CHEK2: variants seen among roughly 807,000 people sequenced by gnomAD.
The protein encoded by CHEK2 is checkpoint kinase 2.
CHEK2 carries 71 observed loss-of-function variants against 69.1 expected under a neutral mutation model. The ratio of observed to expected loss-of-function variants is 1.03; its 90% CI spans 0.85 to 1.25. CHEK2 has a LOEUF of 1.25. CHEK2 is among the 50% of genes most tolerant of loss of function. CHEK2 has a pLI of 0.00. For synonymous variants in CHEK2, 189 were observed against 226.9 expected (o/e 0.83, Z 1.50); for missense variants, 664 against 649.6 (o/e 1.02, Z -0.24).
chr22:28,740,018 T>A (rs868511148), intron 1 of CHEK2, among the ~76,000 whole-genome samples: 1 of 151,960 alleles, frequency 6.6e-6, no homozygotes, highest in East Asian at 2.0e-4. Flanking sequence ...CTGGTCGACA[T>A]GGTGAAACCC....
At chr22:28,732,362 C>T (rs2054245385) in intron 2 of CHEK2, among the ~76,000 whole-genome samples, 2 of 152,116 alleles carry the variant, frequency 1.3e-5, no homozygotes, top group South Asian at 2.1e-4. Context: ...CCGCCCATCT[C>T]GGCCTCCCAA....
At chr22:28,722,026 A>G (rs2053804216) in intron 4 of CHEK2, among the ~76,000 whole-genome samples, 1 of 152,076 alleles carries the variant, frequency 6.6e-6, no homozygotes, top group South Asian at 2.1e-4. Flanking sequence ...CTACCACGCC[A>G]GCCTATAATT....
intron 5 of CHEK2, among the ~76,000 whole-genome samples, chr22:28,713,040 T>A (rs921029042): frequency 3.2e-4 from 49 of 152,340 alleles, no homozygotes; most frequent in African/African-American, 1.2e-3. Context: ...TCTCTAAATA[T>A]TGATTTGCCT....
chr22:28,689,218 G>C lies in CHEK2; in HGVS notation c.1462-3C>G, dbSNP rs876658673. The C allele has an allele frequency of 2.6e-6, 4 of 1,547,248 alleles. No homozygotes were observed. In the South Asian group the frequency reaches 3.3e-5, roughly 13 times the overall value. On this transcript the variant is annotated splice_region_variant and splice_polypyrimidine_tract_variant and intron_variant, in intron 13 of 14. Transcript: ENST00000404276. ...AACTTTCTCTTCATGTCTTCATCCT[G>C]TGAGGGAATTAAAAACATAAGTAGC...
rs1060502721 is a variant in CHEK2, at chr22:28,689,174, C to G, written c.1503G>C (p.Glu501Asp). 1.9e-6 allele frequency: 3 copies of G among 1,595,278 alleles called. No individual in the cohort carries two copies. The South Asian group carries it at 3.3e-5, about 18-fold the overall frequency. The change falls in exon 14 of 15, where the codon GAG becomes GAC. Residue 501 changes from glutamate to aspartate, a missense_variant. Transcript: ENST00000404276. The part of the protein sequence containing the change: ...MKRKFQDLLS[E>D]ENESTALPQV... ...GGGGTAGAGCTGTGGATTCATTTTC[C>G]TCAGACAGAAGATCTTGAAACTTTC...
At chr22:28,709,867 C>T (rs776699540) in intron 7 of CHEK2, 139 bp downstream of exon 7, 4 of 504,612 alleles carry the variant, frequency 7.9e-6, no homozygotes, top group Admixed American at 3.3e-5. Flanking sequence ...TCACCCACCT[C>T]GGCCTCCCAA....
intron 13 of CHEK2, 44 bp downstream of exon 13, chr22:28,693,988 G>A (rs377590647): frequency 4.1e-6 from 5 of 1,215,642 alleles, no homozygotes; most frequent in Non-Finnish European, 6.0e-6. Context: ...AGGCAGCAGG[G>A]CTTCCCATGT....
intron 1 of CHEK2, among the ~76,000 whole-genome samples, chr22:28,740,335 T>C (rs2054519848): frequency 6.6e-6 from 1 of 152,188 alleles, no homozygotes; most frequent in Non-Finnish European, 1.5e-5. Context: ...AGACACCATC[T>C]TGCTGTCACT....
intron 13 of CHEK2, among the ~76,000 whole-genome samples, chr22:28,693,570 A>G (rs1382945420): frequency 6.6e-6 from 1 of 152,198 alleles, no homozygotes; most frequent in African/African-American, 2.4e-5. Context: ...AACACAGGCC[A>G]AACAGGAGAC....
rs374660293 is a variant in CHEK2, at chr22:28,696,983, A to C, written c.1013T>G (p.Leu338Arg). The C allele has an allele frequency of 1.2e-6, 2 of 1,608,784 alleles. No individual in the cohort carries two copies. The highest frequency in any genetic ancestry group is 3.3e-5 in the Admixed American group (2 of 59,994). The change falls in exon 10 of 15, where the codon CTT becomes CGT. Residue 338 changes from leucine to arginine, a missense_variant. Physicochemically the swap from Leu to Arg is moderately radical, Grantham distance 102. Transcript: ENST00000404276. ...ACGGTGTATAATACCGTTTTCATGAAGGTACTACACAGAAAGGCAGGCATG... is the reference window on the plus strand; with the variant it reads ...ACGGTGTATAATACCGTTTTCATGACGGTACTACACAGAAAGGCAGGCATG... ...FYQMLLAVQY[L>R]HENGIIHRDL...
chr22:28,712,115 C>CCATATTAGAATTTACAGACATT, intron 5 of CHEK2, 98 bp from the exon 6 acceptor site: 1 of 856,574 alleles, frequency 1.2e-6, no homozygotes, highest in Non-Finnish European at 2.0e-6. Flanking sequence ...TACAGACATT[C>CCATATTAGAATTTACAGACATT]CATATAACAG....
chr22:28,734,375 C>G (rs774308320), intron 2 of CHEK2, 28 bp downstream of exon 2: 1 of 1,606,856 alleles, frequency 6.2e-7, no homozygotes, highest in Non-Finnish European at 8.5e-7. Flanking sequence ...CTGAACAAAA[C>G]GTGATACTAT....
intron 5 of CHEK2, among the ~76,000 whole-genome samples, chr22:28,717,804 A>G (rs1456829008): frequency 1.3e-5 from 2 of 152,272 alleles, no homozygotes; most frequent in Middle Eastern, 3.4e-3. Context: ...ACTTGAACCC[A>G]GGAGGCAGAG....
intron 2 of CHEK2, among the ~76,000 whole-genome samples, chr22:28,727,244 T>C (rs1441785247): frequency 2.0e-5 from 3 of 152,166 alleles, no homozygotes; most frequent in East Asian, 3.9e-4. Flanking sequence ...GGTTTCGCCA[T>C]GTTAGACAGG....
chr22:28,721,798 A>G (rs1296162602), intron 4 of CHEK2, among the ~76,000 whole-genome samples: 2 of 151,876 alleles, frequency 1.3e-5, no homozygotes, highest in African/African-American at 2.4e-5. Context: ...TGGTGCAATC[A>G]TGGCTCACTG....
chr22:28,716,202 T>C (rs1181513725), intron 5 of CHEK2, among the ~76,000 whole-genome samples: 26 of 148,324 alleles, frequency 1.8e-4, no homozygotes, highest in Admixed American at 4.7e-4. Flanking sequence ...TTTTTCTCTT[T>C]TTTTTTTTTT....
chr22:28,704,598 G>A (rs2145888440), intron 7 of CHEK2, among the ~76,000 whole-genome samples: 3 of 152,266 alleles, frequency 2.0e-5, no homozygotes, highest in Middle Eastern at 6.8e-3. Flanking sequence ...CTCCCAAAGT[G>A]TTGGGATTAC....
intron 1 of CHEK2, among the ~76,000 whole-genome samples, chr22:28,740,267 A>C (rs17880353): frequency 0.02 from 3,064 of 152,326 alleles, 106 homozygotes; most frequent in African/African-American, 0.07. Context: ...TAGTCCTCAC[A>C]AGAAAATTCT....
chr22:28,732,839 C>G (rs150903933), intron 2 of CHEK2, among the ~76,000 whole-genome samples: 2 of 151,714 alleles, frequency 1.3e-5, no homozygotes, highest in African/African-American at 4.8e-5. Flanking sequence ...TTTTTTTGGC[C>G]GGAGTGCAGT....
Sources: gnomAD v4.1 joint callset for allele counts (sites outside exome capture counted in the v4.1 genomes callset) on GRCh38, gnomAD v4.1.1 for gene constraint, MANE v1.5 for transcripts, NCBI Gene and HGNC (gene_info 2026-07-23, HGNC 2026-07-21) for gene names.